KIF1C: variants seen among roughly 807,000 people sequenced by gnomAD.
KIF1C encodes the protein kinesin family member 1C, also known as kinesin-like protein KIF1C.
In KIF1C, 61 loss-of-function variants were observed where a neutral mutation model predicts 126.5. The ratio of observed to expected loss-of-function variants is 0.48; its 90% CI spans 0.39 to 0.60. KIF1C has a LOEUF of 0.60. Among genes scored for constraint, KIF1C ranks in the 20% least tolerant of loss-of-function variants. The pLI is 0.00. For missense variants in KIF1C, 1,315 were observed against 1,489.2 expected (o/e 0.88, Z 1.93); for synonymous variants, 640 against 580.6 (o/e 1.10, Z -1.47).
rs546939101 is a variant in KIF1C, at chr17:5,021,955, G to A, written c.2011-137G>A. Reference sequence around the variant, plus strand: ...CGTTAAGCAGTCTGCCCAAGGGTGCGCTGTTGGGGTGGAGCAGGACTTGAA... The same window carrying A: ...CGTTAAGCAGTCTGCCCAAGGGTGCACTGTTGGGGTGGAGCAGGACTTGAA... On this transcript the variant is annotated intron_variant, in intron 21 of 22. Transcript: ENST00000320785. 5.5e-5 allele frequency: 50 copies of A among 905,404 alleles called. 1 individual carries two copies. The highest frequency in any genetic ancestry group is 6.7e-5 in the Non-Finnish European group (40 of 594,210). 56.1% of individuals were successfully genotyped at this position (905,404 alleles called of 1,614,324 possible). A position where few individuals can be genotyped will look rare whatever the true frequency, so the allele number is the denominator to read the frequency against.
Position 5,002,104 on chromosome 17 carries a change from C to CAGCT in KIF1C, c.411_414dup (p.Ser139AlafsTer15). On this transcript the variant is annotated frameshift_variant, in exon 6 of 23. Coordinates refer to ENST00000320785, the MANE Select transcript of KIF1C (RefSeq NM_006612.6). LOFTEE classifies it high-confidence loss of function. ...TCGCGTTAGTGAGAACCAGAGTGCT[C>CAGCT]AGCTATCCTACTCTGTGGAGGTAAG... 1.2e-6 allele frequency: 2 copies of CAGCT among 1,614,076 alleles called. No homozygotes were observed. The highest frequency in any genetic ancestry group is 1.7e-6 in the Non-Finnish European group (2 of 1,179,976).
intron 6 of KIF1C, 99 bp from the exon 7 acceptor site, chr17:5,002,365 A>T: frequency 8.4e-7 from 1 of 1,191,994 alleles, no homozygotes. Context: ...ACTGTGTATT[A>T]GCTGCAGTCA....
intron 16 of KIF1C, among the ~76,000 whole-genome samples, 191 bp downstream of exon 16, chr17:5,007,733 C>T (rs890670665): frequency 2.6e-5 from 4 of 152,186 alleles, no homozygotes; most frequent in Non-Finnish European, 5.9e-5. Flanking sequence ...CTTCTCCCTT[C>T]AGCCATTCAA....
intron 13 of KIF1C, 136 bp from the exon 14 acceptor site, chr17:5,006,779 G>C: frequency 2.3e-6 from 2 of 863,176 alleles, no homozygotes; most frequent in South Asian, 1.6e-5. Flanking sequence ...AGGGCTCCTT[G>C]CCTGGTAGGA....
intron 8 of KIF1C, among the ~76,000 whole-genome samples, 196 bp downstream of exon 8, chr17:5,003,038 CTT>C (rs576354046): frequency 3.6e-4 from 51 of 140,198 alleles, no homozygotes; most frequent in African/African-American, 4.7e-4. Flanking sequence ...GTTTGCTTGT[CTT>C]TTTTTTTTTT....
At position 5,014,850 on chromosome 17, in the gene KIF1C, G is replaced by C. The variant is rs553003454; in HGVS notation, c.1666+13G>C. The C allele has an allele frequency of 1.4e-4, 221 of 1,569,804 alleles. 1 individual carries two copies. Among genetic ancestry groups the C allele is most frequent in the South Asian group, 1.0e-3 (88 of 85,542 alleles). ...CCAGATGGAGAAGGTAATGGCTGAG[G>C]GGGTGAGAGAGGCCAGACAGGGAGA... On this transcript the variant is annotated intron_variant, in intron 18 of 22. Coordinates refer to ENST00000320785, the MANE Select transcript of KIF1C (RefSeq NM_006612.6).
At chr17:5,000,427 G>A in intron 3 of KIF1C, 75 bp downstream of exon 3, 2 of 1,010,608 alleles carry the variant, frequency 2.0e-6, no homozygotes, top group East Asian at 2.6e-5. Context: ...GTCCCGCTGG[G>A]CCAAACTAAG....
Position 5,002,459 on chromosome 17 carries a change from C to T in KIF1C, c.430-5C>T. 2 of 1,566,736 alleles carry T rather than the reference C, an allele frequency of 1.3e-6. No homozygotes were observed. Among genetic ancestry groups the T allele is most frequent in the East Asian group, 2.3e-5 (1 of 44,064 alleles). ...TGTTACTTCTCATTTGCTTCTCCCA[C>T]TCAGGTGAGCTATATGGAGATCTAC... On this transcript the variant is annotated splice_polypyrimidine_tract_variant and splice_region_variant and intron_variant, in intron 6 of 22. Transcript: ENST00000320785.
chr17:5,009,080 GAA>G (rs1388972380), intron 16 of KIF1C, among the ~76,000 whole-genome samples: 2 of 150,136 alleles, frequency 1.3e-5, no homozygotes, highest in East Asian at 1.9e-4. Context: ...TGTGTACAGT[GAA>G]AAGTCTCCAA....
chr17:5,004,487 T>TG, intron 11 of KIF1C, 80 bp from the exon 12 acceptor site: 1 of 1,315,242 alleles, frequency 7.6e-7, no homozygotes, highest in Admixed American at 1.7e-5. Flanking sequence ...GCCTGGGCAG[T>TG]GGGCCCCAGC....
At chr17:5,016,140 C>CT (rs113644919) in intron 18 of KIF1C, among the ~76,000 whole-genome samples, 165 of 136,756 alleles carry the variant, frequency 1.2e-3, no homozygotes, top group East Asian at 2.2e-3. Flanking sequence ...ATGGTCAGCA[C>CT]TTTTTTTTTT....
At position 5,026,232 on chromosome 17, in the gene KIF1C, C is replaced by T. The variant is rs1175437830; in HGVS notation, c.*2081C>T. On this transcript the variant is annotated 3_prime_UTR_variant, in exon 23 of 23. Coordinates refer to ENST00000320785, the MANE Select transcript of KIF1C (RefSeq NM_006612.6). ...ATCTGGAATGTAATGGATGGTTTGG[C>T]AACAGTGTTTGCTTGAGCAGTTTAA... The T allele has an allele frequency of 1.3e-5, 2 of 152,148 alleles. No homozygotes were observed. Among genetic ancestry groups the T allele is most frequent in the African/African-American group, 4.8e-5 (2 of 41,428 alleles). 9.4% of individuals were successfully genotyped at this position (152,148 alleles called of 1,614,324 possible).
In KIF1C at chr17:5,005,809, C is replaced by T. The variant is rs183865483; in HGVS notation, c.1165+809C>T. Among the ~76,000 whole-genome samples the T allele has an allele frequency of 5.8e-4, 88 of 151,510 alleles. 2 individuals are homozygous for T. In the East Asian group the frequency reaches 0.017, roughly 30 times the overall value. ...TGGCTCCATCTTGGCTCACTGCAACCTCCGCCTTCTGGGTTCAAGAGATTC... is the reference window on the plus strand; with the variant it reads ...TGGCTCCATCTTGGCTCACTGCAACTTCCGCCTTCTGGGTTCAAGAGATTC... On this transcript the variant is annotated intron_variant, in intron 13 of 22. Transcript: ENST00000320785.
chr17:5,002,423 T>C (rs780870763), intron 6 of KIF1C, 41 bp from the exon 7 acceptor site: 1 of 1,535,836 alleles, frequency 6.5e-7, no homozygotes, highest in South Asian at 1.2e-5. Context: ...TGTCATTGTT[T>C]TTGCTAGTTT....
chr17:5,009,744 C>T (rs1027140834), intron 16 of KIF1C, among the ~76,000 whole-genome samples: 2 of 147,540 alleles, frequency 1.4e-5, no homozygotes, highest in Non-Finnish European at 3.0e-5. Flanking sequence ...GCTGAGATCG[C>T]ACCACTGCAC....
rs2143320333 is a variant in KIF1C, at chr17:5,004,093, T to C, written c.940+20T>C. On this transcript the variant is annotated intron_variant, in intron 11 of 22. Coordinates refer to ENST00000320785, the MANE Select transcript of KIF1C (RefSeq NM_006612.6). ...ATTTGGGTGAGGGCCTCTTCCTCTT[T>C]CTCTGCCGACCCTGACACATCCCAC... The C allele has an allele frequency of 6.4e-7, 1 of 1,557,726 alleles. No individual in the cohort carries two copies. The highest frequency in any genetic ancestry group is 1.9e-4 in the Middle Eastern group (1 of 5,214).
At chr17:5,007,635 C>G in intron 16 of KIF1C, 93 bp downstream of exon 16, 1 of 1,055,294 alleles carries the variant, frequency 9.5e-7, no homozygotes, top group South Asian at 1.9e-5. Flanking sequence ...TGTCCCTGAT[C>G]GCTCCCTTTG....
At chr17:5,004,543 CTT>C (rs760351712) in intron 11 of KIF1C, 22 bp from the exon 12 acceptor site, 1 of 1,612,108 alleles carries the variant, frequency 6.2e-7, no homozygotes, top group South Asian at 1.1e-5. Context: ...TCAGCTGAAG[CTT>C]TTCCATGCAC....
rs575301192 is a variant in KIF1C at position 5,022,847 on chromosome 17, G to A, written c.2628+138G>A. ...AGTATAGTACGTTTTTTTCAATATTGTTTACGAACCACATGCCTCGCTGTC... is the reference window on the plus strand; with the variant it reads ...AGTATAGTACGTTTTTTTCAATATTATTTACGAACCACATGCCTCGCTGTC... On this transcript the variant is annotated intron_variant, in intron 22 of 22. Coordinates refer to ENST00000320785, the MANE Select transcript of KIF1C (RefSeq NM_006612.6). The surrounding 1 kb of genome is among the most constrained non-coding windows in gnomAD (Gnocchi z 4.9). 5.0e-4 allele frequency: 627 copies of A among 1,245,866 alleles called. No individual in the cohort carries two copies. The highest frequency in any genetic ancestry group is 9.1e-4 in the Admixed American group (26 of 28,460). The allele number at this position is 1,245,866 out of a possible 1,614,324, so 77.2% of individuals were successfully genotyped here. A position where few individuals can be genotyped will look rare whatever the true frequency, so the allele number is the denominator to read the frequency against.
Sources: gnomAD v4.1 joint callset for allele counts (sites outside exome capture counted in the v4.1 genomes callset) on GRCh38, gnomAD v4.1.1 for gene constraint, Gnocchi (gnomAD v3.1) non-coding constraint, MANE v1.5 for transcripts, NCBI Gene and HGNC (gene_info 2026-07-23, HGNC 2026-07-21) for gene names.